PPP1R1C: variants seen among roughly 807,000 people sequenced by gnomAD.
PPP1R1C encodes protein phosphatase 1 regulatory subunit 1C.
A neutral mutation model predicts 17.4 loss-of-function variants in PPP1R1C; 15 were observed. That is an observed-to-expected ratio of 0.86 (90% confidence interval 0.58 to 1.33). The LOEUF is 1.33. Among genes scored for constraint, PPP1R1C ranks in the 40% most tolerant of loss-of-function variants. PPP1R1C has a pLI of 0.00. For missense variants in PPP1R1C, 143 were observed against 130.0 expected (o/e 1.10, Z -0.48); for synonymous variants, 35 against 43.1 (o/e 0.81, Z 0.73).
At chr2:181,974,131 A>G (rs1685057575) in intron 1 of PPP1R1C, among the ~76,000 whole-genome samples, 1 of 152,076 alleles carries the variant, frequency 6.6e-6, no homozygotes, top group East Asian at 1.9e-4. Context: ...GTGGGTAGAG[A>G]CTTTAAGGTA....
chr2:182,042,212 A>G (rs1011918851), intron 2 of PPP1R1C, among the ~76,000 whole-genome samples: 2 of 152,242 alleles, frequency 1.3e-5, no homozygotes, highest in African/African-American at 2.4e-5. Context: ...ATTAACATTA[A>G]AGAAGAATAA....
chr2:181,964,864 C>G (rs1454610226), intron 1 of PPP1R1C, among the ~76,000 whole-genome samples: 1 of 152,154 alleles, frequency 6.6e-6, no homozygotes, highest in African/African-American at 2.4e-5. Flanking sequence ...TGCCACCATG[C>G]CTGGCAAATT....
chr2:182,027,404 A>T (rs1329028959), intron 2 of PPP1R1C, among the ~76,000 whole-genome samples: 195 of 129,506 alleles, frequency 1.5e-3, no homozygotes, highest in Admixed American at 2.5e-3. Flanking sequence ...TAATTTATTG[A>T]GAGTTTTTAG....
At chr2:182,028,524 G>C (rs1686700689) in intron 2 of PPP1R1C, among the ~76,000 whole-genome samples, 1 of 152,270 alleles carries the variant, frequency 6.6e-6, no homozygotes, top group South Asian at 2.1e-4. Context: ...GAGCGGTTTT[G>C]AGTGAGATTC....
At chr2:182,108,464 G>A (rs902288716) in intron 4 of PPP1R1C, among the ~76,000 whole-genome samples, 3 of 151,900 alleles carry the variant, frequency 2.0e-5, no homozygotes, top group East Asian at 1.9e-4. Flanking sequence ...TCCCTTTCTC[G>A]GGGATCTTCA....
intron 4 of PPP1R1C, among the ~76,000 whole-genome samples, chr2:182,102,854 C>T (rs1200052636): frequency 1.3e-5 from 2 of 151,974 alleles, no homozygotes; most frequent in African/African-American, 4.8e-5. Flanking sequence ...GCTATGTTGC[C>T]CAGGCTGGAG....
chr2:182,118,867 C>T (rs1408159751), downstream of PPP1R1C, among the ~76,000 whole-genome samples: 2 of 151,202 alleles, frequency 1.3e-5, no homozygotes, highest in Non-Finnish European at 3.0e-5. Context: ...TTCTCCCTCT[C>T]CTTCTCTGTC....
chr2:181,997,727 C>T (rs538781321), intron 2 of PPP1R1C, among the ~76,000 whole-genome samples: 4 of 152,244 alleles, frequency 2.6e-5, no homozygotes, highest in East Asian at 1.9e-4. Flanking sequence ...GATTTACGGA[C>T]AGAAGTATTA....
At chr2:182,064,156 A>G (rs901412346) in intron 4 of PPP1R1C, 2 of 226,056 alleles carry the variant, frequency 8.8e-6, no homozygotes, top group Admixed American at 5.2e-5. Context: ...TGGCTAAAGC[A>G]AAGCAGAATA....
At chr2:181,982,472 T>A (rs1221510747), upstream of PPP1R1C, among the ~76,000 whole-genome samples, 1 of 152,128 alleles carries the variant, frequency 6.6e-6, no homozygotes, top group East Asian at 1.9e-4. Context: ...ATGTTTAAGA[T>A]AGGATGGGAT....
chr2:182,024,502 C>T lies in PPP1R1C; in HGVS notation c.142+36603C>T, dbSNP rs184496468. Among the ~76,000 whole-genome samples, 11 of 151,548 alleles carry T rather than the reference C, an allele frequency of 7.3e-5. No homozygotes were observed. The East Asian group carries it at 1.2e-3, about 16-fold the overall frequency. ...TTATCTTTAAAGAGCTGTTACCTCT[C>T]GGTGAAGAAATATTTATTTGAAATT... On this transcript the variant is annotated intron_variant, in intron 2 of 4. Coordinates refer to ENST00000682840, the MANE Select transcript of PPP1R1C (RefSeq NM_001080545.3).
At chr2:182,114,833 G>A (rs1515895) in intron 4 of PPP1R1C, among the ~76,000 whole-genome samples, 104,985 of 152,032 alleles carry the variant, frequency 0.69, 36,667 homozygotes, top group African/African-American at 0.79. Context: ...TGGCTTTTTC[G>A]TATAACTTTG....
Position 182,065,025 on chromosome 2 carries a change from G to T in PPP1R1C, c.241+1234G>T, listed in dbSNP as rs187393745. ...TATTTTTAAAGGAAAATCTTAAACCGAAAGTCTCAAGGGCCGATGATGTTC... is the reference window on the plus strand; with the variant it reads ...TATTTTTAAAGGAAAATCTTAAACCTAAAGTCTCAAGGGCCGATGATGTTC... On this transcript the variant is annotated intron_variant, in intron 4 of 4. Transcript: ENST00000682840. Among the ~76,000 whole-genome samples, 3 of 152,088 alleles carry T rather than the reference G, an allele frequency of 2.0e-5. No individual in the cohort carries two copies. In the East Asian group the frequency reaches 5.8e-4, roughly 29 times the overall value.
chr2:182,082,222 A>G (rs1688501581), intron 4 of PPP1R1C, among the ~76,000 whole-genome samples: 1 of 152,168 alleles, frequency 6.6e-6, no homozygotes, highest in African/African-American at 2.4e-5. Context: ...TCATAAAGCA[A>G]CAGATGAATG....
chr2:182,083,094 A>G (rs1334500645), intron 4 of PPP1R1C, among the ~76,000 whole-genome samples: 2 of 152,210 alleles, frequency 1.3e-5, no homozygotes, highest in Non-Finnish European at 1.5e-5. Flanking sequence ...TTGTGATATT[A>G]GAATCTCATA....
intron 2 of PPP1R1C, among the ~76,000 whole-genome samples, chr2:182,009,725 C>T (rs1559054772): frequency 6.6e-6 from 1 of 151,874 alleles, no homozygotes; most frequent in Non-Finnish European, 1.5e-5. Context: ...GAGAGTTTCC[C>T]CAATGTTTTC....
intron 2 of PPP1R1C, among the ~76,000 whole-genome samples, chr2:182,019,225 G>A (rs1686344595): frequency 1.3e-5 from 2 of 152,198 alleles, no homozygotes; most frequent in African/African-American, 2.4e-5. Flanking sequence ...TGTGGAGCTA[G>A]ATGTGGTCTT....
chr2:182,044,377 A>G (rs575512148), intron 2 of PPP1R1C, among the ~76,000 whole-genome samples: 2 of 152,240 alleles, frequency 1.3e-5, no homozygotes, highest in East Asian at 3.9e-4. Flanking sequence ...CTGGCATTCT[A>G]TAGTCCAAAT....
chr2:181,957,144 G>A lies in PPP1R1C; in HGVS notation n.111+2510G>A, dbSNP rs1432638565. On this transcript the variant is annotated intron_variant and non_coding_transcript_variant, in intron 1 of 5. Transcript: ENST00000464264. The surrounding 1 kb of genome is among the most constrained non-coding windows in gnomAD (Gnocchi z 4.2). ...GGAGGCTGAGGTGGGCGGATTATCT[G>A]AGGTCAGGAGTTCGAGAACAGCCTG... is the stretch of plus-strand genomic sequence containing the variant. Among the ~76,000 whole-genome samples, 2 of 152,150 alleles carry A rather than the reference G, an allele frequency of 1.3e-5. No individual in the cohort carries two copies. The highest frequency in any genetic ancestry group is 2.9e-5 in the Non-Finnish European group (2 of 68,024).
Sources: gnomAD v4.1 joint callset for allele counts (sites outside exome capture counted in the v4.1 genomes callset) on GRCh38, gnomAD v4.1.1 for gene constraint, Gnocchi (gnomAD v3.1) non-coding constraint, MANE v1.5 for transcripts, NCBI Gene and HGNC (gene_info 2026-07-23, HGNC 2026-07-21) for gene names.